Variants in NKAIN2 observed in about 807,000 individuals in gnomAD.
NKAIN2 encodes sodium/potassium-transporting ATPase subunit beta-1-interacting protein 2.
In NKAIN2, 14 loss-of-function variants were observed where a neutral mutation model predicts 32.6. The ratio of observed to expected loss-of-function variants is 0.43; its 90% CI spans 0.28 to 0.67. NKAIN2 has a LOEUF of 0.67. NKAIN2 is among the 30% of genes least tolerant of loss of function. The pLI is 0.17. For synonymous variants in NKAIN2, 80 were observed against 87.2 expected (o/e 0.92, Z 0.46); for missense variants, 198 against 258.3 (o/e 0.77, Z 1.60).
intron 1 of NKAIN2, among the ~76,000 whole-genome samples, chr6:123,834,058 T>C (rs1307973399): frequency 6.6e-6 from 1 of 151,986 alleles, no homozygotes; most frequent in Non-Finnish European, 1.5e-5. Context: ...ATTCCACTTG[T>C]TCATAGCTGG....
At chr6:124,544,186 C>T (rs1205876279) in intron 3 of NKAIN2, among the ~76,000 whole-genome samples, 1 of 152,044 alleles carries the variant, frequency 6.6e-6, no homozygotes, top group Non-Finnish European at 1.5e-5. Flanking sequence ...GGACTGGGAT[C>T]CCTGAAGAAC....
intron 6 of NKAIN2, among the ~76,000 whole-genome samples, 197 bp downstream of exon 6, chr6:124,818,665 C>T (rs994659624): frequency 8.6e-5 from 13 of 151,970 alleles, no homozygotes; most frequent in Non-Finnish European, 1.8e-4. Flanking sequence ...ATAAGAAATG[C>T]CATTTCTAAA....
intron 1 of NKAIN2, among the ~76,000 whole-genome samples, chr6:123,881,113 C>A (rs1377718622): frequency 6.6e-6 from 1 of 152,090 alleles, no homozygotes; most frequent in Non-Finnish European, 1.5e-5. Context: ...CCGCCACCTC[C>A]CCGGTTCAAG....
chr6:123,988,674 C>G (rs1779269656), intron 1 of NKAIN2, among the ~76,000 whole-genome samples: 1 of 152,120 alleles, frequency 6.6e-6, no homozygotes, highest in South Asian at 2.1e-4. Flanking sequence ...TTCTATTTGT[C>G]AGAACCCAAT....
At chr6:124,037,892 T>A (rs1456827733) in intron 1 of NKAIN2, among the ~76,000 whole-genome samples, 1 of 152,122 alleles carries the variant, frequency 6.6e-6, no homozygotes, top group East Asian at 1.9e-4. Flanking sequence ...AAGTACCAGG[T>A]GAAAGCCTAT....
chr6:124,262,962 A>T (rs754644388), intron 1 of NKAIN2, among the ~76,000 whole-genome samples: 1 of 152,156 alleles, frequency 6.6e-6, no homozygotes, highest in African/African-American at 2.4e-5. Flanking sequence ...TAATAAGGAA[A>T]GCTCTTTAAG....
At chr6:124,142,931 A>G (rs1787214567) in intron 1 of NKAIN2, among the ~76,000 whole-genome samples, 1 of 152,182 alleles carries the variant, frequency 6.6e-6, no homozygotes, top group African/African-American at 2.4e-5. Flanking sequence ...GTAAAAGGGA[A>G]AATAAGGATC....
intron 1 of NKAIN2, among the ~76,000 whole-genome samples, chr6:123,958,389 C>G (rs1777695584): frequency 6.6e-6 from 1 of 152,222 alleles, no homozygotes; most frequent in African/African-American, 2.4e-5. Context: ...TCTGCTCCGT[C>G]ACCTCTGTGC....
At chr6:124,793,682 A>T (rs1169060571) in intron 5 of NKAIN2, among the ~76,000 whole-genome samples, 7 of 151,916 alleles carry the variant, frequency 4.6e-5, no homozygotes, top group Admixed American at 1.3e-4. Flanking sequence ...TACTGCTCAA[A>T]AAAAAAAAAA....
At chr6:124,669,844 A>G (rs185126627) in intron 4 of NKAIN2, among the ~76,000 whole-genome samples, 6 of 151,890 alleles carry the variant, frequency 4.0e-5, no homozygotes, top group Admixed American at 1.3e-4. Flanking sequence ...CCACCTCACC[A>G]TATTCCATTT....
intron 2 of NKAIN2, among the ~76,000 whole-genome samples, chr6:124,292,715 T>C (rs1297315094): frequency 2.0e-5 from 3 of 152,044 alleles, no homozygotes; most frequent in Non-Finnish European, 4.4e-5. Flanking sequence ...TTATGGAGAA[T>C]TGCTTACAAG....
intron 3 of NKAIN2, among the ~76,000 whole-genome samples, chr6:124,432,736 A>G (rs979800504): frequency 1.3e-5 from 2 of 152,200 alleles, no homozygotes; most frequent in African/African-American, 4.8e-5. Flanking sequence ...CTCTATGGCC[A>G]CCAACAAGGA....
chr6:124,576,261 T>A (rs494956), intron 3 of NKAIN2, among the ~76,000 whole-genome samples: 1 of 152,184 alleles, frequency 6.6e-6, no homozygotes, highest in East Asian at 1.9e-4. Flanking sequence ...ACTGAACTAG[T>A]AACTTTTTTC....
chr6:124,353,459 T>C (rs910219407), intron 2 of NKAIN2, among the ~76,000 whole-genome samples: 2 of 151,982 alleles, frequency 1.3e-5, no homozygotes, highest in Non-Finnish European at 2.9e-5. Context: ...AAGGATAATA[T>C]ACAAAGAGGC....
At chr6:124,278,941 A>C (rs1480956000) in intron 1 of NKAIN2, among the ~76,000 whole-genome samples, 2 of 152,032 alleles carry the variant, frequency 1.3e-5, no homozygotes, top group Non-Finnish European at 1.5e-5. Context: ...AATGAGGTAG[A>C]TCTATTAATG....
At chr6:124,068,841 G>A (rs925640201) in intron 1 of NKAIN2, among the ~76,000 whole-genome samples, 5 of 152,002 alleles carry the variant, frequency 3.3e-5, no homozygotes, top group Admixed American at 3.3e-4. Flanking sequence ...GATAAGAAAA[G>A]AAGTCCTTTC....
At chr6:124,216,885 AT>A (rs1273778114) in intron 1 of NKAIN2, among the ~76,000 whole-genome samples, 12 of 152,222 alleles carry the variant, frequency 7.9e-5, no homozygotes, top group African/African-American at 2.7e-4. Context: ...TAATTCAATC[AT>A]AAAGCAATGG....
intron 3 of NKAIN2, among the ~76,000 whole-genome samples, chr6:124,498,475 G>A (rs1426318345): frequency 1.3e-5 from 2 of 152,110 alleles, no homozygotes. Flanking sequence ...AACGTTGTGA[G>A]GTTAAAGGAA....
At chr6:123,913,706 C>G (rs977907926) in intron 1 of NKAIN2, among the ~76,000 whole-genome samples, 2 of 152,060 alleles carry the variant, frequency 1.3e-5, no homozygotes, top group Admixed American at 6.6e-5. Flanking sequence ...AGATTTATAT[C>G]AAACTTTTAC....
Sources: gnomAD v4.1 joint callset for allele counts (sites outside exome capture counted in the v4.1 genomes callset) on GRCh38, gnomAD v4.1.1 for gene constraint, MANE v1.5 for transcripts, NCBI Gene and HGNC (gene_info 2026-07-23, HGNC 2026-07-21) for gene names.